Variants in ASCL1 observed in about 807,000 individuals in gnomAD.
ASCL1 encodes the protein achaete-scute family bHLH transcription factor 1, also known as achaete-scute homolog 1.
Under a neutral mutation model 16.1 loss-of-function variants are expected in ASCL1, and 2 were observed. That is an observed-to-expected ratio of 0.12 (90% confidence interval 0.05 to 0.39). The LOEUF (loss-of-function observed/expected upper bound fraction) is 0.39. ASCL1 is among the 10% of genes least tolerant of loss of function. The pLI, the probability that ASCL1 is intolerant of heterozygous loss-of-function variation, is 0.99. For missense variants in ASCL1, 276 were observed against 336.9 expected (o/e 0.82, Z 1.41); for synonymous variants, 165 against 155.7 (o/e 1.06, Z -0.45).
chr12:102,959,055 C>A (rs1880036341), intron 1 of ASCL1, 53 bp downstream of exon 1: 1 of 1,542,520 alleles, frequency 6.5e-7, no homozygotes, highest in South Asian at 1.2e-5. Context: ...CGTCCTCCCT[C>A]TGAGTGTCTG....
At chr12:102,959,092 T>C (rs1009016672) in intron 1 of ASCL1, 90 bp downstream of exon 1, 83 of 1,326,852 alleles carry the variant, frequency 6.3e-5, no homozygotes, top group Non-Finnish European at 1.4e-5. Flanking sequence ...TCCAAGGAGA[T>C]AAGGGGATTT....
chr12:102,959,023 G>T, intron 1 of ASCL1, 21 bp downstream of exon 1: 2 of 1,607,258 alleles, frequency 1.2e-6, no homozygotes, highest in African/African-American at 2.7e-5. Context: ...TTTTGGGGTG[G>T]GCAGGGGGGT....
rs1565889976 is a variant in ASCL1, at chr12:102,960,190, A to G, written c.*876A>G. 2.6e-5 allele frequency: 4 copies of G among 152,620 alleles called. No individual in the cohort carries two copies. Among genetic ancestry groups the G allele is most frequent in the Admixed American group, 2.6e-4 (4 of 15,280 alleles). 9.5% of individuals were successfully genotyped at this position (152,620 alleles called of 1,614,324 possible). A position where few individuals can be genotyped will look rare whatever the true frequency, so the allele number is the denominator to read the frequency against. ...TCACCTTACAACTGCAATTTTCCCT[A>G]TGTGGTTTTGTAAAGAACTCTCCTC... On this transcript the variant is annotated 3_prime_UTR_variant, in exon 2 of 2. Transcript: ENST00000266744.
At chr12:102,959,071 G>A (rs1593012945) in intron 1 of ASCL1, 69 bp downstream of exon 1, 1 of 1,485,026 alleles carries the variant, frequency 6.7e-7, no homozygotes, top group Non-Finnish European at 9.2e-7. Flanking sequence ...GTCTGTGGAA[G>A]TGGGGATGTC....
chr12:102,958,113 G>A lies in ASCL1; in HGVS notation c.-132G>A. 1.6e-6 allele frequency: 1 copy of A among 608,932 alleles called. No individual in the cohort carries two copies. Among genetic ancestry groups the A allele is most frequent in the Non-Finnish European group, 2.5e-6 (1 of 406,748 alleles). 37.7% of individuals were successfully genotyped at this position (608,932 alleles called of 1,614,324 possible). ...TATATATTTTTTAACTTCCGTCAGG[G>A]CTCCCGCTTCATATTTCCTTTTCTT... On this transcript the variant is annotated 5_prime_UTR_variant, in exon 1 of 2. Coordinates refer to ENST00000266744, the MANE Select transcript of ASCL1 (RefSeq NM_004316.4).
In ASCL1 at chr12:102,958,607, G is replaced by A. The variant is rs778284097; in HGVS notation, c.363G>A (p.Ala121=). Residue 121 remains alanine, a synonymous_variant, in exon 1 of 2, where the codon GCG becomes GCA. Coordinates refer to ENST00000266744, the MANE Select transcript of ASCL1 (RefSeq NM_004316.4). ...SLPQQQPAAV[A]RRNERERNRV... ...CGCAGCAGCAGCCGGCCGCCGTGGC[G>A]CGCCGCAACGAGCGCGAGCGCAACC... 1.9e-6 allele frequency: 3 copies of A among 1,611,346 alleles called. No homozygotes were observed. Among genetic ancestry groups the A allele is most frequent in the Non-Finnish European group, 2.5e-6 (3 of 1,178,932 alleles).
Position 102,958,476 on chromosome 12 carries a change from G to A in ASCL1, c.232G>A (p.Gly78Ser), listed in dbSNP as rs1425409501. Reference protein sequence around the residue: ...PAADGQPSGGGHKSAPKQVKR... With the variant: ...PAADGQPSGGSHKSAPKQVKR... ...GGCCGACGGCCAGCCCTCAGGGGGC[G>A]GTCACAAGTCAGCGCCCAAGCAAGT... is the stretch of plus-strand genomic sequence containing the variant. Residue 78 changes from glycine (G) to serine (S), a missense_variant, in exon 1 of 2, where the codon GGT becomes AGT. This residue lies in a region of ASCL1 where 178 missense variants were observed against 167.0 expected (regional missense o/e 1.07). Coordinates refer to ENST00000266744, the MANE Select transcript of ASCL1 (RefSeq NM_004316.4). 7 of 1,579,694 alleles carry A rather than the reference G, an allele frequency of 4.4e-6. No individual in the cohort carries two copies. Among genetic ancestry groups the A allele is most frequent in the Non-Finnish European group, 6.0e-6 (7 of 1,163,818 alleles).
Position 102,959,376 on chromosome 12 carries a change from C to T in ASCL1, c.*62C>T, listed in dbSNP as rs907071051. 6.2e-6 allele frequency: 1 copy of T among 160,862 alleles called. No individual in the cohort carries two copies. The highest frequency in any genetic ancestry group is 1.3e-5 in the Non-Finnish European group (1 of 74,312). 10.0% of individuals were successfully genotyped at this position (160,862 alleles called of 1,614,324 possible). A position where few individuals can be genotyped will look rare whatever the true frequency, so the allele number is the denominator to read the frequency against. Reference sequence around the variant, plus strand: ...TTATGTTATAGGGTGATCGCACAACCTGCATCTTTAGTGCTTTCTTGTCAG... The same window carrying T: ...TTATGTTATAGGGTGATCGCACAACTTGCATCTTTAGTGCTTTCTTGTCAG... On this transcript the variant is annotated 3_prime_UTR_variant, in exon 2 of 2. Coordinates refer to ENST00000266744, the MANE Select transcript of ASCL1 (RefSeq NM_004316.4).
rs879869637 is a variant in ASCL1 at position 102,958,376 on chromosome 12, A to G, written c.132A>G (p.Ala44=). 5.7e-5 allele frequency: 82 copies of G among 1,448,282 alleles called. No homozygotes were observed. Among genetic ancestry groups the G allele is most frequent in the Non-Finnish European group, 7.0e-5 (77 of 1,104,846 alleles). The allele number at this position is 1,448,282 out of a possible 1,614,324, so 89.7% of individuals were successfully genotyped here. ...CAGCCGCGGCGGCCGCAGCCGCCGC[A>G]GCGGCAGCGCAGAGCGCGCAGCAGC... ...TAAAAAAAAA[A]AAAQSAQQQQ... is the part of the protein sequence containing the mutation. Residue 44 remains alanine, a synonymous_variant, in exon 1 of 2, where the codon GCA becomes GCG. Coordinates refer to ENST00000266744, the MANE Select transcript of ASCL1 (RefSeq NM_004316.4).
Position 102,958,749 on chromosome 12 carries a change from G to A in ASCL1, c.505G>A (p.Ala169Thr). ...TLRSAVEYIR[A>T]LQQLLDEHDA... Reference sequence around the variant, plus strand: ...GCGCTCGGCGGTCGAGTACATCCGCGCGCTGCAGCAGCTGCTGGACGAGCA... The same window carrying A: ...GCGCTCGGCGGTCGAGTACATCCGCACGCTGCAGCAGCTGCTGGACGAGCA... Residue 169 changes from alanine (A) to threonine (T), a missense_variant, in exon 1 of 2, where the codon GCG becomes ACG. By Grantham distance (58) the Ala-to-Thr change is moderately conservative. Transcript: ENST00000266744. 2 of 1,614,112 alleles carry A rather than the reference G, an allele frequency of 1.2e-6. No individual in the cohort carries two copies. Among genetic ancestry groups the A allele is most frequent in the Non-Finnish European group, 1.7e-6 (2 of 1,180,040 alleles).
At chr12:102,959,131 G>T in intron 1 of ASCL1, 129 bp downstream of exon 1, 8 of 1,096,470 alleles carry the variant, frequency 7.3e-6, no homozygotes, top group Non-Finnish European at 1.0e-5. Flanking sequence ...AAAGTTGGTC[G>T]ATTTCAAGTC....
At chr12:102,959,279 C>G in intron 1 of ASCL1, 83 bp from the exon 2 acceptor site, 1 of 396,676 alleles carries the variant, frequency 2.5e-6, no homozygotes, top group Non-Finnish European at 4.7e-6. Context: ...ACCTGACAGA[C>G]TCTTTCCCCA....
Position 102,960,457 on chromosome 12 carries a change from C to T in ASCL1, c.*1143C>T, listed in dbSNP as rs577220002. 4.8e-4 allele frequency: 74 copies of T among 152,634 alleles called. No homozygotes were observed. Among genetic ancestry groups the T allele is most frequent in the African/African-American group, 1.7e-3 (72 of 41,536 alleles). The allele number at this position is 152,634 out of a possible 1,614,324, so 9.5% of individuals were successfully genotyped here. ...ACAAACTTACAAAAATATGTATAACCCTGTTTTATACAAACTAGTTTCGTA... is the reference window on the plus strand; with the variant it reads ...ACAAACTTACAAAAATATGTATAACTCTGTTTTATACAAACTAGTTTCGTA... On this transcript the variant is annotated 3_prime_UTR_variant, in exon 2 of 2. Transcript: ENST00000266744.
In ASCL1 at chr12:102,958,226, T is replaced by C. The variant is rs1002384218; in HGVS notation, c.-19T>C. 3 of 1,459,578 alleles carry C rather than the reference T, an allele frequency of 2.1e-6. No individual in the cohort carries two copies. The highest frequency in any genetic ancestry group is 1.8e-6 in the Non-Finnish European group (2 of 1,109,320). The allele number at this position is 1,459,578 out of a possible 1,614,324, so 90.4% of individuals were successfully genotyped here. ...TCCCGGATCGCTCTGATTCCGCGACTCCTTGGCCGCCGCTGCGCATGGAAA... is the reference window on the plus strand; with the variant it reads ...TCCCGGATCGCTCTGATTCCGCGACCCCTTGGCCGCCGCTGCGCATGGAAA... On this transcript the variant is annotated 5_prime_UTR_variant, in exon 1 of 2. Transcript: ENST00000266744.
Position 102,958,420 on chromosome 12 carries a change from A to T in ASCL1, c.176A>T (p.Gln59Leu), listed in dbSNP as rs893520986. 6.5e-7 allele frequency: 1 copy of T among 1,543,222 alleles called. No individual in the cohort carries two copies. The highest frequency in any genetic ancestry group is 1.4e-5 in the African/African-American group (1 of 72,272). The change falls in exon 1 of 2, where the codon CAG becomes CTG. Residue 59 changes from glutamine (Q) to leucine (L), a missense_variant. This residue lies in a region of ASCL1 where 178 missense variants were observed against 167.0 expected (regional missense o/e 1.07). Coordinates refer to ENST00000266744, the MANE Select transcript of ASCL1 (RefSeq NM_004316.4). ...SAQQQQQQQQ[Q>L]QQQAPQLRPA... ...CAGCAGCAGCAGCAGCAGCAGCAGC[A>T]GCAGCAGCAGGCGCCGCAGCTGAGA...
Position 102,958,587 on chromosome 12 carries a change from CA to C in ASCL1, c.344del (p.Gln115ArgfsTer40). On this transcript the variant is annotated frameshift_variant, in exon 1 of 2. Transcript: ENST00000266744. LOFTEE classifies it high-confidence loss of function. ...FSGFGYSLPQ[Q>X]QPAAVARRNE... ...CGGCTTTGGCTACAGCCTGCCGCAG[CA>C]GCAGCCGGCCGCCGTGGCGCGCCGC... 6.2e-7 allele frequency: 1 copy of C among 1,609,774 alleles called. No homozygotes were observed. Among genetic ancestry groups the C allele is most frequent in the Non-Finnish European group, 8.5e-7 (1 of 1,178,466 alleles).
Position 102,958,243 on chromosome 12 carries a change from G to A in ASCL1, c.-2G>A. ...TCCGCGACTCCTTGGCCGCCGCTGCGCATGGAAAGCTCTGCCAAGATGGAG... is the reference window on the plus strand; with the variant it reads ...TCCGCGACTCCTTGGCCGCCGCTGCACATGGAAAGCTCTGCCAAGATGGAG... On this transcript the variant is annotated 5_prime_UTR_variant, in exon 1 of 2. Coordinates refer to ENST00000266744, the MANE Select transcript of ASCL1 (RefSeq NM_004316.4). 6.8e-7 allele frequency: 1 copy of A among 1,468,102 alleles called. No individual in the cohort carries two copies. The allele number at this position is 1,468,102 out of a possible 1,614,324, so 90.9% of individuals were successfully genotyped here. A position where few individuals can be genotyped will look rare whatever the true frequency, so the allele number is the denominator to read the frequency against.
Position 102,958,476 on chromosome 12 carries a change from G to T in ASCL1, c.232G>T (p.Gly78Cys), listed in dbSNP as rs1425409501. The change falls in exon 1 of 2, where the codon GGT becomes TGT. Residue 78 changes from glycine (G) to cysteine (C), a missense_variant. Coordinates refer to ENST00000266744, the MANE Select transcript of ASCL1 (RefSeq NM_004316.4). ...PAADGQPSGG[G>C]HKSAPKQVKR... ...GGCCGACGGCCAGCCCTCAGGGGGC[G>T]GTCACAAGTCAGCGCCCAAGCAAGT... 3 of 1,579,574 alleles carry T rather than the reference G, an allele frequency of 1.9e-6. No homozygotes were observed. The highest frequency in any genetic ancestry group is 2.6e-6 in the Non-Finnish European group (3 of 1,163,824).
Position 102,958,047 on chromosome 12 carries a change from C to CT in ASCL1, c.-191dup. 2.4e-6 allele frequency: 1 copy of CT among 410,668 alleles called. No homozygotes were observed. Among genetic ancestry groups the CT allele is most frequent in the Non-Finnish European group, 4.2e-6 (1 of 238,900 alleles). 25.4% of individuals were successfully genotyped at this position (410,668 alleles called of 1,614,324 possible). A position where few individuals can be genotyped will look rare whatever the true frequency, so the allele number is the denominator to read the frequency against. On this transcript the variant is annotated 5_prime_UTR_variant, in exon 1 of 2. Coordinates refer to ENST00000266744, the MANE Select transcript of ASCL1 (RefSeq NM_004316.4). ...GCAGGGAGGAGAAAAAGCATTTTCACTTTTTTTGCTCCCACTCTAAGAAGT... is the reference window on the plus strand; with the variant it reads ...GCAGGGAGGAGAAAAAGCATTTTCACTTTTTTTTGCTCCCACTCTAAGAAGT...
Sources: gnomAD v4.1 joint callset for allele counts on GRCh38, gnomAD v4.1.1 for gene constraint, gnomAD v4.1.1 regional missense constraint, MANE v1.5 for transcripts, NCBI Gene and HGNC (gene_info 2026-07-23, HGNC 2026-07-21) for gene names.